The following KMT5B variants were observed in gnomAD, a reference collection of about 807,000 sequenced individuals.
The protein encoded by KMT5B is histone-lysine N-methyltransferase KMT5B.
In KMT5B, 10 loss-of-function variants were observed where a neutral mutation model predicts 83.2. That is an observed-to-expected ratio of 0.12 (90% CI 0.07 to 0.20). The LOEUF (loss-of-function observed/expected upper bound fraction) is 0.20, where lower values mean the gene tolerates loss of function less well. Among genes scored for constraint, KMT5B ranks in the 10% least tolerant of loss-of-function variants. KMT5B has a pLI of 1.00. For synonymous variants in KMT5B, 349 were observed against 388.8 expected, an observed-to-expected ratio of 0.90 and a Z score of 1.20; for missense variants, 753 against 1,067.2, an observed-to-expected ratio of 0.71 and a Z score of 4.10.
rs114371774 is a variant in KMT5B at position 68,174,437 on chromosome 11, G to C, written c.544-524C>G. 6.2e-3 allele frequency among the ~76,000 whole-genome samples: 940 copies of C among 152,200 alleles called. 7 individuals are homozygous for C. Among genetic ancestry groups the C allele is most frequent in the African/African-American group, 0.022 (911 of 41,504 alleles). On this transcript the variant is annotated intron_variant, in intron 5 of 10. Coordinates refer to ENST00000304363, the MANE Select transcript of KMT5B (RefSeq NM_017635.5). ...CAGATTTTGGAGCATTTCAAATTTT[G>C]GGGTTAAGGGTACTCACTCTGTATG...
At chr11:68,210,370 T>G (rs893001765) in intron 1 of KMT5B, among the ~76,000 whole-genome samples, 2 of 152,110 alleles carry the variant, frequency 1.3e-5, no homozygotes, top group Admixed American at 6.5e-5. Flanking sequence ...CTAAGGTGAT[T>G]AGAGAGATGT....
At chr11:68,205,122 C>T (rs1441273042) in intron 1 of KMT5B, among the ~76,000 whole-genome samples, 1 of 150,662 alleles carries the variant, frequency 6.6e-6, no homozygotes, top group East Asian at 1.9e-4. Flanking sequence ...GACTGGGCAA[C>T]AAAGTGAGAC....
chr11:68,173,350 A>G (rs1235002678), intron 6 of KMT5B, among the ~76,000 whole-genome samples: 2 of 152,140 alleles, frequency 1.3e-5, no homozygotes, highest in Non-Finnish European at 2.9e-5. Flanking sequence ...CAACTCTACT[A>G]TTTTTATTGA....
At chr11:68,195,624 T>G (rs1858608465) in intron 1 of KMT5B, among the ~76,000 whole-genome samples, 1 of 152,242 alleles carries the variant, frequency 6.6e-6, no homozygotes, top group Non-Finnish European at 1.5e-5. Context: ...TACCATGGGC[T>G]AATTCTAAGG....
chr11:68,200,684 TA>T (rs796885405), intron 1 of KMT5B, among the ~76,000 whole-genome samples: 1 of 152,218 alleles, frequency 6.6e-6, no homozygotes, highest in African/African-American at 2.4e-5. Flanking sequence ...GGATCTGTGT[TA>T]AAAAAATTTT....
At chr11:68,181,543 A>T (rs1257918870) in intron 3 of KMT5B, among the ~76,000 whole-genome samples, 2 of 152,232 alleles carry the variant, frequency 1.3e-5, no homozygotes. Flanking sequence ...GAAAATTAAA[A>T]TCCAAGAGCA....
chr11:68,198,734 C>G (rs958033832), intron 1 of KMT5B, among the ~76,000 whole-genome samples: 1 of 152,144 alleles, frequency 6.6e-6, no homozygotes, highest in Non-Finnish European at 1.5e-5. Flanking sequence ...GTACTGACTG[C>G]TTCTTTTTTT....
chr11:68,212,139 G>GA (rs1484730241), intron 1 of KMT5B, among the ~76,000 whole-genome samples: 6 of 152,066 alleles, frequency 3.9e-5, no homozygotes, highest in African/African-American at 1.2e-4. Context: ...AAGACTAAAG[G>GA]AAAAAAGTTA....
At chr11:68,170,803 G>T (rs1032526471) in intron 9 of KMT5B, among the ~76,000 whole-genome samples, 7 of 152,136 alleles carry the variant, frequency 4.6e-5, no homozygotes, top group African/African-American at 1.7e-4. Context: ...AGATTTTAAA[G>T]GGAAATTTTA....
chr11:68,179,995 A>T, intron 4 of KMT5B, 137 bp downstream of exon 4: 3 of 1,026,194 alleles, frequency 2.9e-6, no homozygotes, highest in Non-Finnish European at 4.1e-6. Context: ...CTATTATCAA[A>T]CTACTTTAAA....
rs568602934 is a variant in KMT5B, at chr11:68,206,995, C to T, written c.-77+6143G>A. Among the ~76,000 whole-genome samples the T allele has an allele frequency of 2.7e-3, 405 of 152,130 alleles. 3 individuals are homozygous for T. Among genetic ancestry groups the T allele is most frequent in the Admixed American group, 8.3e-3 (126 of 15,272 alleles). ...CAGTGGCTCACGTCTGTAATCCCAG[C>T]ACTTTGGGAGGCTGAGGCGGGCGGA... On this transcript the variant is annotated intron_variant, in intron 1 of 10. Transcript: ENST00000304363.
rs1859390420 is a variant in KMT5B, at chr11:68,157,567, G to C, written c.*121C>G. 7.2e-7 allele frequency: 1 copy of C among 1,380,556 alleles called. No homozygotes were observed. The allele number at this position is 1,380,556 out of a possible 1,614,324, so 85.5% of individuals were successfully genotyped here. Reference sequence around the variant, plus strand: ...AGTATGCTGTACACTTTCTACAATAGTATGCTGATAAGTGAAGGGACAATA... The same window carrying C: ...AGTATGCTGTACACTTTCTACAATACTATGCTGATAAGTGAAGGGACAATA... On this transcript the variant is annotated 3_prime_UTR_variant, in exon 11 of 11. Transcript: ENST00000304363.
intron 9 of KMT5B, among the ~76,000 whole-genome samples, chr11:68,170,328 C>CA (rs1473347043): frequency 6.6e-6 from 1 of 152,104 alleles, no homozygotes; most frequent in Admixed American, 6.6e-5. Context: ...TGGCACAGTG[C>CA]AAGATGTGCA....
intron 2 of KMT5B, among the ~76,000 whole-genome samples, chr11:68,188,811 T>C (rs1234685457): frequency 6.6e-6 from 1 of 152,212 alleles, no homozygotes; most frequent in Non-Finnish European, 1.5e-5. Context: ...ATGTGATCAC[T>C]ATATTTCTCA....
intron 10 of KMT5B, chr11:68,165,774 ACT>A (rs1855261682): frequency 1.3e-6 from 2 of 1,512,380 alleles, no homozygotes; most frequent in South Asian, 1.4e-5. Flanking sequence ...TGATTGACTA[ACT>A]CTTGTTGTTC....
At chr11:68,180,022 C>T (rs1281353555) in intron 4 of KMT5B, 110 bp downstream of exon 4, 4 of 1,297,562 alleles carry the variant, frequency 3.1e-6, no homozygotes, top group East Asian at 2.6e-5. Context: ...GTAAAATGTT[C>T]TAAAACTCTA....
chr11:68,181,068 CTTTT>C (rs754575072), intron 3 of KMT5B, among the ~76,000 whole-genome samples: 224 of 142,292 alleles, frequency 1.6e-3, no homozygotes, highest in Non-Finnish European at 3.0e-3. Context: ...TCTACTCTTT[CTTTT>C]TTCTTTTTTT....
intron 3 of KMT5B, among the ~76,000 whole-genome samples, chr11:68,180,824 G>A (rs938138816): frequency 1.3e-5 from 2 of 152,006 alleles, no homozygotes; most frequent in South Asian, 4.1e-4. Flanking sequence ...AAAACCAGAG[G>A]TATAAACAAC....
At chr11:68,180,837 CTCTT>C (rs973985492) in intron 3 of KMT5B, among the ~76,000 whole-genome samples, 111 of 152,158 alleles carry the variant, frequency 7.3e-4, no homozygotes, top group African/African-American at 2.4e-3. Flanking sequence ...TAAACAACAA[CTCTT>C]TTTTTCTTGT....
Sources: allele counts gnomAD v4.1 joint callset (sites outside exome capture counted in the v4.1 genomes callset), GRCh38; gene constraint gnomAD v4.1.1; transcripts MANE v1.5; gene names NCBI Gene and HGNC (gene_info 2026-07-23, HGNC 2026-07-21).